MTPAP: variants seen among roughly 807,000 people sequenced by gnomAD.
The protein encoded by MTPAP is poly(A) RNA polymerase, mitochondrial.
In MTPAP, 23 loss-of-function variants were observed where a neutral mutation model predicts 48.7. The ratio of observed to expected loss-of-function variants is 0.47; its 90% CI spans 0.34 to 0.67. The LOEUF (loss-of-function observed/expected upper bound fraction) is 0.67, where lower values mean the gene tolerates loss of function less well. MTPAP is among the 30% of genes least tolerant of loss of function. MTPAP has a pLI of 0.01. For missense variants in MTPAP, 614 were observed against 694.3 expected (o/e 0.88, Z 1.30); for synonymous variants, 257 against 254.1 (o/e 1.01, Z -0.11).
chr10:30,347,005 G>C (rs1314489916), intron 1 of MTPAP, among the ~76,000 whole-genome samples: 1 of 152,158 alleles, frequency 6.6e-6, no homozygotes, highest in African/African-American at 2.4e-5. Flanking sequence ...CAAACCAATT[G>C]ACCTTAAAGT....
rs115906436 is a variant in MTPAP, at chr10:30,335,659, A to G, written c.780+1144T>C. On this transcript the variant is annotated intron_variant, in intron 4 of 8. Coordinates refer to ENST00000263063, the MANE Select transcript of MTPAP (RefSeq NM_018109.4). ...TAATATCCAAACTTGAAAGAGAAAA[A>G]AAGGGTAAGGAGGAAAGTGCAGGAA... is the stretch of plus-strand genomic sequence containing the variant. Among the ~76,000 whole-genome samples, 594 of 152,260 alleles carry G rather than the reference A, an allele frequency of 3.9e-3. 2 individuals are homozygous for G. Among genetic ancestry groups the G allele is most frequent in the African/African-American group, 0.013 (544 of 41,542 alleles).
chr10:30,345,191 T>A (rs1834859750), intron 1 of MTPAP, among the ~76,000 whole-genome samples: 1 of 152,230 alleles, frequency 6.6e-6, no homozygotes, highest in South Asian at 2.1e-4. Context: ...TTACTATATA[T>A]TCTGTAACAT....
chr10:30,325,179 CAAAGA>C (rs1360945835), intron 5 of MTPAP, among the ~76,000 whole-genome samples: 2 of 151,792 alleles, frequency 1.3e-5, no homozygotes, highest in Non-Finnish European at 2.9e-5. Flanking sequence ...TTACATACTA[CAAAGA>C]AAATATAATA....
chr10:30,320,130 G>A (rs909942436), intron 6 of MTPAP, among the ~76,000 whole-genome samples: 7 of 152,164 alleles, frequency 4.6e-5, no homozygotes, highest in African/African-American at 1.7e-4. Flanking sequence ...GTGAGTGGTG[G>A]CACAAGCCTG....
In MTPAP at chr10:30,322,583, A is replaced by G; in HGVS notation, c.1027T>C (p.Tyr343His). Residue 343 changes from tyrosine (Y) to histidine (H), a missense_variant, in exon 6 of 9, where the codon TAT becomes CAT. This residue lies in a region of MTPAP where 261 missense variants were observed against 355.4 expected (regional missense o/e 0.73). Transcript: ENST00000263063. ...ALTSSELLYI[Y>H]GALDSRVRAL... ...CTCACTCTTGAGTCTAGGGCACCAT[A>G]TATATAAAGGAGTTCGGAACTTGTC... 6.2e-7 allele frequency: 1 copy of G among 1,614,008 alleles called. No homozygotes were observed. Among genetic ancestry groups the G allele is most frequent in the Non-Finnish European group, 8.5e-7 (1 of 1,179,914 alleles).
rs535491780 is a variant in MTPAP, at chr10:30,321,276, C to A, written c.1219+1115G>T. Among the ~76,000 whole-genome samples, 6 of 152,120 alleles carry A rather than the reference C, an allele frequency of 3.9e-5. No homozygotes were observed. The East Asian group carries it at 9.7e-4, about 24-fold the overall frequency. Reference sequence around the variant, plus strand: ...TATTTTATTTCATTTTACTTTATTTCTTTAGGCTAGTCAAGTGAAGCAGTG... The same window carrying A: ...TATTTTATTTCATTTTACTTTATTTATTTAGGCTAGTCAAGTGAAGCAGTG... On this transcript the variant is annotated intron_variant, in intron 6 of 8. Transcript: ENST00000263063.
chr10:30,335,824 A>C (rs1415572959), intron 4 of MTPAP, among the ~76,000 whole-genome samples: 3 of 152,128 alleles, frequency 2.0e-5, no homozygotes. Context: ...AGCCTGACCA[A>C]GGAGGTAAAA....
intron 2 of MTPAP, 68 bp downstream of exon 2, chr10:30,341,400 A>G: frequency 6.5e-7 from 1 of 1,542,124 alleles, no homozygotes; most frequent in Admixed American, 2.1e-5. Context: ...ACAGCAAAAA[A>G]CAACTAATGG....
chr10:30,348,394 C>T (rs993740110), intron 1 of MTPAP, among the ~76,000 whole-genome samples: 3 of 152,132 alleles, frequency 2.0e-5, no homozygotes, highest in African/African-American at 7.2e-5. Flanking sequence ...AGTTATTTAC[C>T]TCTTTGAACC....
In MTPAP at chr10:30,313,584, A is replaced by G; in HGVS notation, c.*25T>C. 2.5e-6 allele frequency: 4 copies of G among 1,614,032 alleles called. 1 individual carries two copies. The South Asian group carries it at 4.4e-5, about 18-fold the overall frequency. ...ACAGACCATTTGATAGGCTAAGCCC[A>G]GTTCTTTACACAATGTAGCAGCCAT... is the stretch of plus-strand genomic sequence containing the variant. On this transcript the variant is annotated 3_prime_UTR_variant, in exon 9 of 9. Coordinates refer to ENST00000263063, the MANE Select transcript of MTPAP (RefSeq NM_018109.4).
rs758174869 is a variant in MTPAP, at chr10:30,316,102, A to G, written c.1312+16T>C. On this transcript the variant is annotated intron_variant, in intron 7 of 8. Transcript: ENST00000263063. ...TTTCAATCCAGAAAGGATCAAGTAA[A>G]CAGAAAGACACTTACCTAATGTTTC... 82 of 1,611,164 alleles carry G rather than the reference A, an allele frequency of 5.1e-5. No individual in the cohort carries two copies. The East Asian group carries it at 1.8e-3, about 35-fold the overall frequency.
chr10:30,340,132 T>C, intron 3 of MTPAP, 94 bp downstream of exon 3: 1 of 1,086,852 alleles, frequency 9.2e-7, no homozygotes, highest in South Asian at 1.3e-5. Flanking sequence ...CTATACCCAT[T>C]AAACAATAAT....
chr10:30,322,363 A>C, intron 6 of MTPAP, 28 bp downstream of exon 6: 1 of 1,504,028 alleles, frequency 6.6e-7, no homozygotes, highest in Non-Finnish European at 9.3e-7. Context: ...TGGAAAAAGA[A>C]AATGGAGAAG....
At chr10:30,318,742 G>A (rs549333) in intron 6 of MTPAP, among the ~76,000 whole-genome samples, 6,660 of 152,266 alleles carry the variant, frequency 0.044, 461 homozygotes, top group African/African-American at 0.15. Flanking sequence ...ACTTTAAAAT[G>A]TTATCCAATC....
intron 4 of MTPAP, 87 bp downstream of exon 4, chr10:30,336,716 C>G: frequency 9.8e-7 from 1 of 1,022,042 alleles, no homozygotes; most frequent in Admixed American, 1.8e-5. Flanking sequence ...TAGAAATCAA[C>G]AGTTCTATTT....
In MTPAP at chr10:30,322,437, T is replaced by C. The variant is rs1840736056; in HGVS notation, c.1173A>G (p.Arg391=). ...TMMVIFFLQR[R]SPPILPTLDS... is the part of the protein sequence containing the mutation. ...CTAGTGTTGGAAGAATAGGGGGTGA[T>C]CTTCTCTGGAGAAAAAAGATGACCA... The change falls in exon 6 of 9, where the codon AGA becomes AGG. Residue 391 remains arginine, a synonymous_variant. Coordinates refer to ENST00000263063, the MANE Select transcript of MTPAP (RefSeq NM_018109.4). 6.2e-7 allele frequency: 1 copy of C among 1,613,596 alleles called. No individual in the cohort carries two copies. The highest frequency in any genetic ancestry group is 8.5e-7 in the Non-Finnish European group (1 of 1,179,534).
At chr10:30,340,145 A>G in intron 3 of MTPAP, 81 bp downstream of exon 3, 1 of 1,164,868 alleles carries the variant, frequency 8.6e-7, no homozygotes, top group Non-Finnish European at 1.3e-6. Context: ...ACAATAATGT[A>G]GCTTGAACAT....
In MTPAP at chr10:30,313,223, A is replaced by G. The variant is rs1465424078; in HGVS notation, c.*386T>C. 1 of 241,660 alleles carries G rather than the reference A, an allele frequency of 4.1e-6. No individual in the cohort carries two copies. The highest frequency in any genetic ancestry group is 5.1e-5 in the Admixed American group (1 of 19,492). 15.0% of individuals were successfully genotyped at this position (241,660 alleles called of 1,614,324 possible). A position where few individuals can be genotyped will look rare whatever the true frequency, so the allele number is the denominator to read the frequency against. ...ATATTTACCTATTTAGTTAAAGCAC[A>G]TTACAATAATCTTTCACCCATTCCT... On this transcript the variant is annotated 3_prime_UTR_variant, in exon 9 of 9. Transcript: ENST00000263063.
intron 1 of MTPAP, among the ~76,000 whole-genome samples, chr10:30,344,727 C>CAT (rs1834851641): frequency 6.6e-6 from 1 of 152,208 alleles, no homozygotes; most frequent in Non-Finnish European, 1.5e-5. Context: ...ATTTTCCAGA[C>CAT]AGAGTCTCAC....
Sources: gnomAD v4.1 joint callset for allele counts (sites outside exome capture counted in the v4.1 genomes callset) on GRCh38, gnomAD v4.1.1 for gene constraint, gnomAD v4.1.1 regional missense constraint, MANE v1.5 for transcripts, NCBI Gene and HGNC (gene_info 2026-07-23, HGNC 2026-07-21) for gene names.